Variants in NNMT observed in about 807,000 individuals in gnomAD.
NNMT encodes nicotinamide N-methyltransferase.
In NNMT, 10 loss-of-function variants were observed where a neutral mutation model predicts 11.7. That is an observed-to-expected ratio of 0.85 (90% confidence interval 0.53 to 1.45). NNMT has a LOEUF of 1.45. Among genes scored for constraint, NNMT ranks in the 40% most tolerant of loss-of-function variants. The probability of loss-of-function intolerance (pLI) is 0.00; values close to 1 mark genes in which losing one functional copy is unlikely to be tolerated. For missense variants in NNMT, 381 were observed against 319.4 expected (o/e 1.19, Z -1.47); for synonymous variants, 143 against 133.8 (o/e 1.07, Z -0.48).
At chr11:114,260,007 A>G (rs1389636467) in intron 1 of NNMT, among the ~76,000 whole-genome samples, 1 of 152,090 alleles carries the variant, frequency 6.6e-6, no homozygotes, top group Non-Finnish European at 1.5e-5. Flanking sequence ...GACTTCATCC[A>G]TACCTACTCT....
chr11:114,273,394 T>C (rs1279316840), intron 2 of NNMT, among the ~76,000 whole-genome samples: 1 of 152,138 alleles, frequency 6.6e-6, no homozygotes, highest in Non-Finnish European at 1.5e-5. Flanking sequence ...AGAGTCCAAA[T>C]GATATTGATA....
Position 114,298,069 on chromosome 11 carries a change from G to C in NNMT, c.273G>C (p.Leu91=), listed in dbSNP as rs2135272231. 6.2e-7 allele frequency: 1 copy of C among 1,614,130 alleles called. No homozygotes were observed. Among genetic ancestry groups the C allele is most frequent in the African/African-American group, 1.3e-5 (1 of 75,020 alleles). Residue 91 remains leucine, a synonymous_variant, in exon 2 of 3, where the codon CTG becomes CTC. Transcript: ENST00000299964. ...TCACTGACTACTCAGACCAGAACCTGCAGGAGCTGGAGAAGTGGCTGAAGA... is the reference window on the plus strand; with the variant it reads ...TCACTGACTACTCAGACCAGAACCTCCAGGAGCTGGAGAAGTGGCTGAAGA... ...IVVTDYSDQN[L]QELEKWLKKE...
intron 2 of NNMT, among the ~76,000 whole-genome samples, chr11:114,269,322 T>G (rs986079569): frequency 1.3e-5 from 2 of 152,216 alleles, no homozygotes; most frequent in Non-Finnish European, 2.9e-5. Context: ...CATTGTGTTC[T>G]CTTCTGCACC....
In NNMT at chr11:114,305,939, G is replaced by T. The variant is rs1232647135; in HGVS notation, c.363-6106G>T. On this transcript the variant is annotated intron_variant, in intron 2 of 2. Transcript: ENST00000299964. ...GAATCACCACACTGACTTCCACAAT[G>T]GTTGAACTAGTTTACAGTCCCACCA... 2.0e-5 allele frequency among the ~76,000 whole-genome samples: 3 copies of T among 152,082 alleles called. No homozygotes were observed. In the East Asian group the frequency reaches 5.8e-4, roughly 29 times the overall value.
chr11:114,275,248 G>T (rs1303529839), intron 2 of NNMT, among the ~76,000 whole-genome samples: 1 of 152,176 alleles, frequency 6.6e-6, no homozygotes, highest in Non-Finnish European at 1.5e-5. Flanking sequence ...TTTAAGAAGA[G>T]AATGTGACAA....
chr11:114,310,283 T>A (rs1945537876), intron 2 of NNMT, among the ~76,000 whole-genome samples: 1 of 152,248 alleles, frequency 6.6e-6, no homozygotes, highest in Non-Finnish European at 1.5e-5. Flanking sequence ...ATTATCTGTC[T>A]TTTTTATTAT....
intron 2 of NNMT, among the ~76,000 whole-genome samples, chr11:114,305,717 A>C (rs1371881485): frequency 7.9e-5 from 12 of 151,948 alleles, no homozygotes; most frequent in African/African-American, 2.9e-4. Context: ...CATGGTGTAT[A>C]TGTGCCACAT....
At chr11:114,259,732 C>G (rs1232097333) in intron 1 of NNMT, among the ~76,000 whole-genome samples, 3 of 152,140 alleles carry the variant, frequency 2.0e-5, no homozygotes, top group African/African-American at 7.2e-5. Context: ...ACTCTGCCGC[C>G]CTGCAGCCCC....
intron 2 of NNMT, among the ~76,000 whole-genome samples, chr11:114,287,498 A>G (rs1428473793): frequency 1.3e-5 from 2 of 152,168 alleles, no homozygotes; most frequent in Non-Finnish European, 2.9e-5. Flanking sequence ...TGAAAGGTCT[A>G]TCTTTTTCCC....
chr11:114,264,120 T>C (rs1051503846), intron 2 of NNMT, among the ~76,000 whole-genome samples: 1 of 152,104 alleles, frequency 6.6e-6, no homozygotes. Context: ...CCTTTGCTCC[T>C]GTGCTTGTCT....
chr11:114,276,079 C>T (rs910092715), intron 2 of NNMT, among the ~76,000 whole-genome samples: 1 of 152,230 alleles, frequency 6.6e-6, no homozygotes, highest in African/African-American at 2.4e-5. Context: ...TGGCCGACTG[C>T]CTCGTTTTCT....
intron 2 of NNMT, among the ~76,000 whole-genome samples, chr11:114,273,056 T>C (rs984095676): frequency 2.0e-5 from 3 of 152,220 alleles, no homozygotes; most frequent in Non-Finnish European, 4.4e-5. Context: ...GTGCCTCTGA[T>C]TTTATATTGC....
At chr11:114,294,700 T>C (rs1157908449), upstream of NNMT, among the ~76,000 whole-genome samples, 1 of 151,804 alleles carries the variant, frequency 6.6e-6, no homozygotes, top group East Asian at 1.9e-4. Context: ...GAATATCTCA[T>C]GTAACCCATA....
At chr11:114,264,127 G>A (rs1945103239) in intron 2 of NNMT, among the ~76,000 whole-genome samples, 1 of 151,914 alleles carries the variant, frequency 6.6e-6, no homozygotes, top group African/African-American at 2.4e-5. Context: ...TCCTGTGCTT[G>A]TCTTCTGTTT....
intron 2 of NNMT, among the ~76,000 whole-genome samples, chr11:114,290,563 G>A (rs1299638211): frequency 6.6e-6 from 1 of 152,100 alleles, no homozygotes; most frequent in African/African-American, 2.4e-5. Flanking sequence ...GGAAAACTAG[G>A]GCTCAGCCAC....
intron 2 of NNMT, among the ~76,000 whole-genome samples, chr11:114,286,060 C>T (rs139739423): frequency 6.6e-6 from 1 of 152,308 alleles, no homozygotes; most frequent in East Asian, 1.9e-4. Flanking sequence ...CTCCTCCATC[C>T]TTGCCCCATT....
intron 2 of NNMT, among the ~76,000 whole-genome samples, chr11:114,290,435 T>C (rs1945327266): frequency 6.6e-6 from 1 of 152,232 alleles, no homozygotes. Context: ...ATTATATTAT[T>C]TTGTGGTGTC....
intron 2 of NNMT, among the ~76,000 whole-genome samples, chr11:114,271,194 G>A (rs1231100459): frequency 6.6e-6 from 1 of 152,192 alleles, no homozygotes; most frequent in Non-Finnish European, 1.5e-5. Flanking sequence ...GTCCATAAAA[G>A]TAGAGAATGG....
chr11:114,298,157 A>G lies in NNMT; in HGVS notation c.361A>G (p.Arg121Gly). 6.2e-7 allele frequency: 1 copy of G among 1,613,950 alleles called. No individual in the cohort carries two copies. The highest frequency in any genetic ancestry group is 8.5e-7 in the Non-Finnish European group (1 of 1,179,880). Residue 121 changes from arginine to glycine, a missense_variant and splice_region_variant, in exon 2 of 3, where the codon AGA becomes GGA. Arg to Gly is a moderately radical substitution (Grantham distance 125). Transcript: ENST00000299964. ...CTATGTGTGTGATCTTGAAGGGAAC[A>G]GGTAGAGAAACTGGTGTCTACTTCT... is the stretch of plus-strand genomic sequence containing the variant. ...VTYVCDLEGN[R>G]VKGPEKEEKL...
Sources: allele counts gnomAD v4.1 joint callset (sites outside exome capture counted in the v4.1 genomes callset), GRCh38; gene constraint gnomAD v4.1.1; transcripts MANE v1.5; gene names NCBI Gene and HGNC (gene_info 2026-07-23, HGNC 2026-07-21).